The following RAD54L2 variants were observed in gnomAD, a reference collection of about 807,000 sequenced individuals.
RAD54L2 encodes the protein RAD54 like 2, also known as helicase ARIP4.
RAD54L2 carries 27 observed loss-of-function variants against 138.4 expected under a neutral mutation model. The observed-to-expected ratio is 0.20, with a 90% CI of 0.14 to 0.27. The LOEUF (loss-of-function observed/expected upper bound fraction) is 0.27, where lower values mean the gene tolerates loss of function less well. Among genes scored for constraint, RAD54L2 ranks in the 10% least tolerant of loss-of-function variants. RAD54L2 has a pLI of 1.00. For synonymous variants in RAD54L2, 644 were observed against 723.2 expected (o/e 0.89, Z 1.76); for missense variants, 1,396 against 1,890.2 (o/e 0.74, Z 4.85).
chr3:51,599,827 G>A (rs72951490), intron 3 of RAD54L2, among the ~76,000 whole-genome samples: 17,140 of 151,832 alleles, frequency 0.11, 1,917 homozygotes, highest in East Asian at 0.33. Flanking sequence ...AATGTTGACC[G>A]GGCTAGTCTC....
At chr3:51,652,189 T>A (rs1404416192) in intron 19 of RAD54L2, among the ~76,000 whole-genome samples, 1 of 152,046 alleles carries the variant, frequency 6.6e-6, no homozygotes, top group Admixed American at 6.6e-5. Flanking sequence ...CACAATTGCT[T>A]CAAAGAGAAT....
chr3:51,590,042 A>G (rs1210194310), intron 2 of RAD54L2, among the ~76,000 whole-genome samples: 2 of 152,080 alleles, frequency 1.3e-5, no homozygotes, highest in Non-Finnish European at 2.9e-5. Context: ...TCAGGCTGGA[A>G]TGCAGTGGCG....
At chr3:51,636,729 C>T (rs1169166360) in intron 10 of RAD54L2, among the ~76,000 whole-genome samples, 1 of 152,138 alleles carries the variant, frequency 6.6e-6, no homozygotes. Context: ...GTCAGGAGTT[C>T]GAGACCAGCC....
At chr3:51,544,701 G>A (rs945349775) in intron 2 of RAD54L2, among the ~76,000 whole-genome samples, 2 of 151,990 alleles carry the variant, frequency 1.3e-5, no homozygotes, top group Non-Finnish European at 2.9e-5. Flanking sequence ...CAACCTCCTC[G>A]GTTCAAGCTA....
chr3:51,606,905 C>T (rs549302846), intron 3 of RAD54L2, among the ~76,000 whole-genome samples: 1 of 151,942 alleles, frequency 6.6e-6, no homozygotes, highest in South Asian at 2.1e-4. Flanking sequence ...TGGTCTCAAA[C>T]TGCTGACTTC....
At chr3:51,583,033 A>G (rs376529198) in intron 2 of RAD54L2, among the ~76,000 whole-genome samples, 27 of 152,084 alleles carry the variant, frequency 1.8e-4, no homozygotes, top group East Asian at 3.9e-4. Context: ...CCAAAGTGCT[A>G]GGATTACAGG....
intron 3 of RAD54L2, among the ~76,000 whole-genome samples, chr3:51,600,956 C>G (rs1477893836): frequency 6.6e-6 from 1 of 152,054 alleles, no homozygotes; most frequent in Non-Finnish European, 1.5e-5. Context: ...GACAGTGAGA[C>G]TCCATCTCAA....
At chr3:51,577,851 A>G (rs193136156) in intron 2 of RAD54L2, among the ~76,000 whole-genome samples, 8 of 152,132 alleles carry the variant, frequency 5.3e-5, no homozygotes, top group Non-Finnish European at 8.8e-5. Flanking sequence ...TGTGTCGCTT[A>G]CGCTGGGAGC....
rs190818640 is a variant in RAD54L2, at chr3:51,543,837, C to T, written c.-55+2187C>T. Among the ~76,000 whole-genome samples, 107 of 152,150 alleles carry T rather than the reference C, an allele frequency of 7.0e-4. 1 individual carries two copies. The Middle Eastern group carries it at 0.017, about 24-fold the overall frequency. ...GCTATTCCTTCTGTGATATTTTGCT[C>T]TCTATTCTACAGCTTGGCCGACTCT... On this transcript the variant is annotated intron_variant, in intron 2 of 22. Coordinates refer to ENST00000684192, the MANE Select transcript of RAD54L2 (RefSeq NM_015106.4).
chr3:51,555,663 A>G (rs1446744785), intron 2 of RAD54L2, among the ~76,000 whole-genome samples: 3 of 152,200 alleles, frequency 2.0e-5, no homozygotes, highest in African/African-American at 7.2e-5. Context: ...GCTGTAACTC[A>G]ACCACCATCG....
chr3:51,602,914 T>G (rs1039498135), intron 3 of RAD54L2, among the ~76,000 whole-genome samples: 1 of 152,068 alleles, frequency 6.6e-6, no homozygotes, highest in Non-Finnish European at 1.5e-5. Context: ...CACTGTAGCC[T>G]TGAACTCCTG....
At chr3:51,650,043 C>CATGCCCCAG (rs1701388840) in intron 19 of RAD54L2, among the ~76,000 whole-genome samples, 3 of 152,184 alleles carry the variant, frequency 2.0e-5, no homozygotes, top group South Asian at 2.1e-4. Flanking sequence ...GGAGACCCAT[C>CATGCCCCAG]TCACGTGCAG....
intron 2 of RAD54L2, among the ~76,000 whole-genome samples, chr3:51,581,779 C>G (rs962245356): frequency 1.3e-5 from 2 of 152,102 alleles, no homozygotes; most frequent in Admixed American, 1.3e-4. Context: ...TTCCAAGCCT[C>G]TTCAGTCTCA....
chr3:51,621,933 T>C (rs1160864735), intron 3 of RAD54L2, among the ~76,000 whole-genome samples: 2 of 152,136 alleles, frequency 1.3e-5, no homozygotes, highest in Non-Finnish European at 1.5e-5. Context: ...GCCAACTGTT[T>C]GGGATGAGGA....
chr3:51,556,552 C>T (rs1698970525), intron 2 of RAD54L2, among the ~76,000 whole-genome samples: 1 of 151,188 alleles, frequency 6.6e-6, no homozygotes, highest in Non-Finnish European at 1.5e-5. Context: ...TCAGTGCCAA[C>T]CAGATGCTTT....
rs139547656 is a variant in RAD54L2, at chr3:51,556,202, C to T, written c.-55+14552C>T. Among the ~76,000 whole-genome samples, 938 of 152,218 alleles carry T rather than the reference C, an allele frequency of 6.2e-3. 7 individuals are homozygous for T. The highest frequency in any genetic ancestry group is 0.021 in the African/African-American group (883 of 41,538). ...TCATGGTAGCCTAGCCTTCTTCTTT[C>T]TGTCCTCCTTTGGTTTATTTTTTAT... On this transcript the variant is annotated intron_variant, in intron 2 of 22. Coordinates refer to ENST00000684192, the MANE Select transcript of RAD54L2 (RefSeq NM_015106.4).
chr3:51,562,883 TC>T (rs1238592455), intron 2 of RAD54L2, among the ~76,000 whole-genome samples: 1 of 152,044 alleles, frequency 6.6e-6, no homozygotes, highest in Non-Finnish European at 1.5e-5. Context: ...CAAGCCATTC[TC>T]CCACCTCAGC....
intron 2 of RAD54L2, among the ~76,000 whole-genome samples, chr3:51,556,356 C>T (rs553520764): frequency 6.6e-6 from 1 of 152,180 alleles, no homozygotes; most frequent in African/African-American, 2.4e-5. Flanking sequence ...TCCCTATGGC[C>T]TCAACCTCCC....
chr3:51,545,114 C>G (rs1373445835), intron 2 of RAD54L2, among the ~76,000 whole-genome samples: 5 of 152,180 alleles, frequency 3.3e-5, no homozygotes, highest in East Asian at 1.9e-4. Flanking sequence ...GTGTCTGGAG[C>G]TGTATGTTCT....
Sources: gnomAD v4.1 joint callset for allele counts (sites outside exome capture counted in the v4.1 genomes callset) on GRCh38, gnomAD v4.1.1 for gene constraint, MANE v1.5 for transcripts, NCBI Gene and HGNC (gene_info 2026-07-23, HGNC 2026-07-21) for gene names.